The following FUT9 variants were observed in gnomAD, a reference collection of about 807,000 sequenced individuals.
The protein encoded by FUT9 is 4-galactosyl-N-acetylglucosaminide 3-alpha-L-fucosyltransferase 9.
A neutral mutation model predicts 29.7 loss-of-function variants in FUT9; 15 were observed. That is an observed-to-expected ratio of 0.51 (90% CI 0.34 to 0.78). FUT9 has a LOEUF of 0.78. Among genes scored for constraint, FUT9 ranks in the 30% least tolerant of loss-of-function variants. The pLI, the probability that FUT9 is intolerant of heterozygous loss-of-function variation, is 0.01. For missense variants in FUT9, 319 were observed against 425.4 expected, an observed-to-expected ratio of 0.75 and a Z score of 2.20; for synonymous variants, 169 against 153.7, an observed-to-expected ratio of 1.10 and a Z score of -0.74.
At chr6:96,092,939 T>A (rs5021862) in intron 1 of FUT9, among the ~76,000 whole-genome samples, 138,449 of 152,010 alleles carry the variant, frequency 0.91, 64,168 homozygotes, top group East Asian at 1. Flanking sequence ...TAAAAAATTT[T>A]AAAAAAATCA....
At chr6:96,048,247 CT>C (rs1396661713) in intron 1 of FUT9, among the ~76,000 whole-genome samples, 2 of 152,196 alleles carry the variant, frequency 1.3e-5, no homozygotes, top group Non-Finnish European at 2.9e-5. Context: ...TCTGCAAAGT[CT>C]CTTTAGCCAT....
At chr6:96,059,697 T>A (rs1436964294) in intron 1 of FUT9, among the ~76,000 whole-genome samples, 2 of 152,224 alleles carry the variant, frequency 1.3e-5, no homozygotes, top group Non-Finnish European at 2.9e-5. Flanking sequence ...TTTTTAGTGC[T>A]TGTTTTGAAT....
At position 96,205,971 on chromosome 6, in the gene FUT9, G is replaced by A. The variant is rs1320354103; in HGVS notation, c.*1736G>A. On this transcript the variant is annotated 3_prime_UTR_variant, in exon 3 of 3. Coordinates refer to ENST00000302103, the MANE Select transcript of FUT9 (RefSeq NM_006581.4). ...ATTTCTTAAGCCAAGATTGAATGCAGTGTCAGGCACTGCCTTAACACCCAC... is the reference window on the plus strand; with the variant it reads ...ATTTCTTAAGCCAAGATTGAATGCAATGTCAGGCACTGCCTTAACACCCAC... The A allele has an allele frequency of 6.0e-6, 1 of 167,044 alleles. No homozygotes were observed. Among genetic ancestry groups the A allele is most frequent in the African/African-American group, 2.4e-5 (1 of 41,452 alleles). 10.3% of individuals were successfully genotyped at this position (167,044 alleles called of 1,614,324 possible).
At chr6:96,028,889 G>C (rs1395310965) in intron 1 of FUT9, among the ~76,000 whole-genome samples, 1 of 151,470 alleles carries the variant, frequency 6.6e-6, no homozygotes, top group African/African-American at 2.4e-5. Context: ...CAGTCACAGT[G>C]GTATAAAATT....
rs547300630 is a variant in FUT9, at chr6:96,122,262, A to G, written c.-9+8135A>G. ...TAGAATTTGGAAATCTCTAGTGCAG[A>G]AGTCCAGGACCCTAAGTAATCAGGA... On this transcript the variant is annotated intron_variant, in intron 2 of 2. Transcript: ENST00000302103. 1.4e-3 allele frequency among the ~76,000 whole-genome samples: 216 copies of G among 152,356 alleles called. 1 individual carries two copies. The highest frequency in any genetic ancestry group is 4.9e-3 in the African/African-American group (203 of 41,590).
rs1262611379 is a variant in FUT9, at chr6:96,204,965, C to A, written c.*730C>A. The A allele has an allele frequency of 2.5e-5, 4 of 162,470 alleles. No homozygotes were observed. Among genetic ancestry groups the A allele is most frequent in the Non-Finnish European group, 5.9e-5 (4 of 68,038 alleles). The allele number at this position is 162,470 out of a possible 1,614,324, so 10.1% of individuals were successfully genotyped here. A position where few individuals can be genotyped will look rare whatever the true frequency, so the allele number is the denominator to read the frequency against. On this transcript the variant is annotated 3_prime_UTR_variant, in exon 3 of 3. Transcript: ENST00000302103. ...ATTTTCAGCACCTGGGAAGTAATCC[C>A]AATAATACTTTAGAAAATCTAAGAC...
intron 2 of FUT9, among the ~76,000 whole-genome samples, chr6:96,137,164 G>T (rs1256405073): frequency 6.6e-6 from 1 of 151,930 alleles, no homozygotes; most frequent in Non-Finnish European, 1.5e-5. Flanking sequence ...AGACACAACA[G>T]TGAAGTGTTT....
At chr6:96,074,133 T>C (rs1771107221) in intron 1 of FUT9, among the ~76,000 whole-genome samples, 1 of 152,154 alleles carries the variant, frequency 6.6e-6, no homozygotes, top group Non-Finnish European at 1.5e-5. Context: ...TTAGCAGTAG[T>C]TGGTTTTTAA....
chr6:96,144,389 T>A (rs1020016052), intron 2 of FUT9, among the ~76,000 whole-genome samples: 1 of 152,170 alleles, frequency 6.6e-6, no homozygotes, highest in African/African-American at 2.4e-5. Flanking sequence ...ATATTCTAGA[T>A]TGAAACAACT....
At chr6:96,166,352 G>C (rs1288505034) in intron 2 of FUT9, among the ~76,000 whole-genome samples, 2 of 152,168 alleles carry the variant, frequency 1.3e-5, no homozygotes, top group African/African-American at 2.4e-5. Context: ...TATCTTACTA[G>C]TGTAATACAG....
chr6:96,051,289 A>G (rs1485867970), intron 1 of FUT9, among the ~76,000 whole-genome samples: 2 of 152,194 alleles, frequency 1.3e-5, no homozygotes, highest in Non-Finnish European at 2.9e-5. Context: ...ATAGTAATAA[A>G]GGATTTTTAA....
intron 2 of FUT9, among the ~76,000 whole-genome samples, chr6:96,191,004 T>G (rs1267343377): frequency 6.6e-6 from 1 of 152,188 alleles, no homozygotes; most frequent in Non-Finnish European, 1.5e-5. Flanking sequence ...AATTTTCAGC[T>G]TTTCTGCTCT....
chr6:96,063,384 C>G (rs1258512076), intron 1 of FUT9, among the ~76,000 whole-genome samples: 2 of 152,024 alleles, frequency 1.3e-5, no homozygotes, highest in Non-Finnish European at 2.9e-5. Flanking sequence ...GGGGAACAAG[C>G]GCATCACATG....
At chr6:96,073,610 A>G (rs1374029048) in intron 1 of FUT9, among the ~76,000 whole-genome samples, 1 of 152,238 alleles carries the variant, frequency 6.6e-6, no homozygotes, top group Non-Finnish European at 1.5e-5. Context: ...AAATGGATTG[A>G]ACATTATCAG....
chr6:96,147,336 T>C (rs886649050), intron 2 of FUT9, among the ~76,000 whole-genome samples: 11 of 151,964 alleles, frequency 7.2e-5, no homozygotes, highest in Non-Finnish European at 1.3e-4. Flanking sequence ...AATTTTTGCA[T>C]TTTTAGTGGA....
At chr6:96,071,045 C>T (rs9322642) in intron 1 of FUT9, among the ~76,000 whole-genome samples, 87,462 of 152,090 alleles carry the variant, frequency 0.58, 25,347 homozygotes, top group East Asian at 0.68. Context: ...TGAAAAGTGA[C>T]ATTAAAACAA....
intron 2 of FUT9, among the ~76,000 whole-genome samples, chr6:96,198,779 G>T (rs1773676444): frequency 6.6e-6 from 1 of 152,094 alleles, no homozygotes. Flanking sequence ...TCCAGCACCT[G>T]TTGTTTCCTG....
chr6:96,062,970 A>T (rs1440908909), intron 1 of FUT9, among the ~76,000 whole-genome samples: 5 of 152,134 alleles, frequency 3.3e-5, no homozygotes, highest in Admixed American at 6.5e-5. Flanking sequence ...AGGAAACAGA[A>T]ATGGGGGTGT....
chr6:96,107,458 G>A (rs887921601), intron 1 of FUT9, among the ~76,000 whole-genome samples: 1 of 152,160 alleles, frequency 6.6e-6, no homozygotes, highest in Non-Finnish European at 1.5e-5. Flanking sequence ...TAGGAAGAAT[G>A]TACAAGGAGA....
Sources: gnomAD v4.1 joint callset for allele counts (sites outside exome capture counted in the v4.1 genomes callset) on GRCh38, gnomAD v4.1.1 for gene constraint, MANE v1.5 for transcripts, NCBI Gene and HGNC (gene_info 2026-07-23, HGNC 2026-07-21) for gene names.